Variants in THSD4 observed in about 807,000 individuals in gnomAD.
The protein encoded by THSD4 is thrombospondin type 1 domain containing 4, also known as thrombospondin type-1 domain-containing protein 4.
In THSD4, 69 loss-of-function variants were observed where a neutral mutation model predicts 119.0. The ratio of observed to expected loss-of-function variants is 0.58; its 90% CI spans 0.48 to 0.71. The LOEUF (loss-of-function observed/expected upper bound fraction) is 0.71, where lower values mean the gene tolerates loss of function less well. Among genes scored for constraint, THSD4 ranks in the 30% least tolerant of loss-of-function variants. The probability of loss-of-function intolerance (pLI) is 0.00; values close to 1 mark genes in which losing one functional copy is unlikely to be tolerated. For synonymous variants in THSD4, 524 were observed against 540.4 expected, an observed-to-expected ratio of 0.97 and a Z score of 0.42; for missense variants, 1,393 against 1,391.1, an observed-to-expected ratio of 1.00 and a Z score of -0.02.
In THSD4 at chr15:71,431,504, A is replaced by G. The variant is rs150079990; in HGVS notation, c.1152+19681A>G. 8.5e-5 allele frequency among the ~76,000 whole-genome samples: 13 copies of G among 152,352 alleles called. No individual in the cohort carries two copies. The East Asian group carries it at 2.5e-3, about 29-fold the overall frequency. Reference sequence around the variant, plus strand: ...AACAAGACTTAAAATGGCCATGGTTAAAAATCTTATGAGAGTTCACAATAA... The same window carrying G: ...AACAAGACTTAAAATGGCCATGGTTGAAAATCTTATGAGAGTTCACAATAA... On this transcript the variant is annotated intron_variant, in intron 7 of 17. Coordinates refer to ENST00000261862, the MANE Select transcript of THSD4 (RefSeq NM_024817.3).
intron 7 of THSD4, among the ~76,000 whole-genome samples, chr15:71,423,385 C>T (rs1223057531): frequency 6.6e-6 from 1 of 152,072 alleles, no homozygotes; most frequent in Admixed American, 6.6e-5. Context: ...TATTCAGGGC[C>T]CAAAGGCTCT....
intron 6 of THSD4, among the ~76,000 whole-genome samples, chr15:71,389,810 G>GTTTTTTTTTTT (rs556682631): frequency 0.026 from 2,303 of 87,804 alleles, 495 homozygotes; most frequent in South Asian, 0.031. Flanking sequence ...TTTCTGGGTT[G>GTTTTTTTTTTT]TTTTTTTTTT....
chr15:71,511,441 A>G (rs937749308), intron 7 of THSD4, among the ~76,000 whole-genome samples: 1 of 152,226 alleles, frequency 6.6e-6, no homozygotes, highest in African/African-American at 2.4e-5. Context: ...TGAACACCAC[A>G]GATTTTTGTT....
chr15:71,434,752 C>G (rs1014938076), intron 7 of THSD4, among the ~76,000 whole-genome samples: 72 of 152,130 alleles, frequency 4.7e-4, no homozygotes, highest in African/African-American at 1.6e-3. Context: ...TTTAATGAAG[C>G]TGATTTCTAA....
chr15:71,591,214 G>A (rs1451348387), intron 7 of THSD4, among the ~76,000 whole-genome samples: 1 of 152,018 alleles, frequency 6.6e-6, no homozygotes, highest in Non-Finnish European at 1.5e-5. Flanking sequence ...TCAGAAAGCT[G>A]GAATTTGGAG....
chr15:71,342,162 G>A (rs1325320715), intron 6 of THSD4, among the ~76,000 whole-genome samples: 1 of 152,196 alleles, frequency 6.6e-6, no homozygotes, highest in East Asian at 1.9e-4. Flanking sequence ...GGGACAGTAG[G>A]TGTTATTTAA....
rs1449871111 is a variant in THSD4, at chr15:71,715,398, T to C, written c.1358-13151T>C. On this transcript the variant is annotated intron_variant, in intron 8 of 17. Transcript: ENST00000261862. ...CCCCTCACAATCCTGCATCTTTTCA[T>C]TGGATTCAAGCTTATACTTCAAATT... is the stretch of plus-strand genomic sequence containing the variant. Among the ~76,000 whole-genome samples, 6 of 152,210 alleles carry C rather than the reference T, an allele frequency of 3.9e-5. No homozygotes were observed. In the South Asian group the frequency reaches 6.2e-4, roughly 16 times the overall value.
At chr15:71,196,398 A>G (rs1431932533) in intron 3 of THSD4, among the ~76,000 whole-genome samples, 3 of 152,212 alleles carry the variant, frequency 2.0e-5, no homozygotes, top group Admixed American at 6.5e-5. Flanking sequence ...AAAGTTTTCC[A>G]CTAAGAACTG....
chr15:71,761,527 A>T (rs2053627795), intron 15 of THSD4, among the ~76,000 whole-genome samples: 1 of 152,206 alleles, frequency 6.6e-6, no homozygotes, highest in Non-Finnish European at 1.5e-5. Context: ...ACGTACCATA[A>T]AATTTACCCT....
intron 6 of THSD4, among the ~76,000 whole-genome samples, chr15:71,357,077 C>A (rs2045825088): frequency 6.6e-6 from 1 of 152,234 alleles, no homozygotes; most frequent in Non-Finnish European, 1.5e-5. Flanking sequence ...ATGGCAGCTG[C>A]TCCACTTGTG....
Position 71,104,540 on chromosome 15 carries a change from T to C in THSD4, c.-80+7534T>C, listed in dbSNP as rs142155712. Among the ~76,000 whole-genome samples, 25 of 152,314 alleles carry C rather than the reference T, an allele frequency of 1.6e-4. No individual in the cohort carries two copies. In the East Asian group the frequency reaches 4.6e-3, roughly 28 times the overall value. ...AACTCTGAAAATATTTTAAAGAGGT[T>C]TCTTCTGAGCCAATATGAGTGACCA... On this transcript the variant is annotated intron_variant, in intron 1 of 17. Coordinates refer to the THSD4 transcript ENST00000355327.
chr15:71,616,935 A>C (rs566119625), intron 7 of THSD4, among the ~76,000 whole-genome samples: 1 of 152,226 alleles, frequency 6.6e-6, no homozygotes, highest in Non-Finnish European at 1.5e-5. Flanking sequence ...TTCTAGATCA[A>C]CTGCTCACAG....
intron 7 of THSD4, among the ~76,000 whole-genome samples, chr15:71,467,825 A>G (rs899192011): frequency 6.7e-6 from 1 of 149,060 alleles, no homozygotes; most frequent in East Asian, 2.0e-4. Flanking sequence ...GATATTGAAT[A>G]AGTCTCAGGA....
At chr15:71,600,744 C>CT (rs201957517) in intron 7 of THSD4, among the ~76,000 whole-genome samples, 10,840 of 144,664 alleles carry the variant, frequency 0.075, 450 homozygotes, top group South Asian at 0.11. Flanking sequence ...TTTTTTCTTT[C>CT]TTTCTTTTTT....
chr15:71,697,580 C>T lies in THSD4; in HGVS notation c.1358-30969C>T, dbSNP rs371776272. 2.3e-4 allele frequency among the ~76,000 whole-genome samples: 35 copies of T among 152,154 alleles called. No individual in the cohort carries two copies. The East Asian group carries it at 4.8e-3, about 21-fold the overall frequency. On this transcript the variant is annotated intron_variant, in intron 8 of 17. Transcript: ENST00000261862. The stretch of plus-strand genomic sequence containing the variant: ...GAAAGAGTATGCACTGGGATCCAGA[C>T]GACAGAAGAGGAGGGGACATGTGGT...
At chr15:71,384,129 C>T (rs1409596085) in intron 6 of THSD4, among the ~76,000 whole-genome samples, 1 of 152,190 alleles carries the variant, frequency 6.6e-6, no homozygotes, top group Admixed American at 6.5e-5. Context: ...CCTGTAATCC[C>T]AGCACTTTGG....
intron 7 of THSD4, among the ~76,000 whole-genome samples, chr15:71,441,422 A>T (rs1408093111): frequency 4.0e-4 from 11 of 27,622 alleles, no homozygotes; most frequent in South Asian, 1.1e-3. Flanking sequence ...TTTTTTTGAG[A>T]TGGAGTCTTG....
intron 7 of THSD4, among the ~76,000 whole-genome samples, chr15:71,496,703 C>T (rs1249805975): frequency 6.6e-6 from 1 of 152,186 alleles, no homozygotes; most frequent in East Asian, 1.9e-4. Flanking sequence ...GCCATCTAAC[C>T]AGGCACAATG....
chr15:71,215,313 TAC>T lies in THSD4; in HGVS notation c.379_380del (p.Thr127GlyfsTer44). On this transcript the variant is annotated frameshift_variant, in exon 4 of 18. Coordinates refer to ENST00000261862, the MANE Select transcript of THSD4 (RefSeq NM_024817.3). LOFTEE classifies it high-confidence loss of function. ...SRDETPALAG[T>X]DASRQGPTVL... is the part of the protein sequence containing the mutation. ...GCGACGAGACGCCAGCGCTGGCCGG[TAC>T]GGACGCCAGCCGCCAGGGCCCCACG... The T allele has an allele frequency of 1.3e-6, 2 of 1,529,206 alleles. No homozygotes were observed. Among genetic ancestry groups the T allele is most frequent in the East Asian group, 5.0e-5 (2 of 40,142 alleles). 94.7% of individuals were successfully genotyped at this position (1,529,206 alleles called of 1,614,324 possible). A position where few individuals can be genotyped will look rare whatever the true frequency, so the allele number is the denominator to read the frequency against.
Sources: allele counts gnomAD v4.1 joint callset (sites outside exome capture counted in the v4.1 genomes callset), GRCh38; gene constraint gnomAD v4.1.1; transcripts MANE v1.5; gene names NCBI Gene and HGNC (gene_info 2026-07-23, HGNC 2026-07-21).